YTHDC2: variants seen among roughly 807,000 people sequenced by gnomAD.
YTHDC2 encodes the protein 3'-5' RNA helicase YTHDC2.
In YTHDC2, 45 loss-of-function variants were observed where a neutral mutation model predicts 174.9. The observed-to-expected ratio is 0.26, with a 90% CI of 0.20 to 0.33. The LOEUF (loss-of-function observed/expected upper bound fraction) is 0.33, where lower values mean the gene tolerates loss of function less well. YTHDC2 is among the 10% of genes least tolerant of loss of function. The pLI, the probability that YTHDC2 is intolerant of heterozygous loss-of-function variation, is 1.00. For missense variants in YTHDC2, 1,650 were observed against 1,723.7 expected (o/e 0.96, Z 0.76); for synonymous variants, 657 against 574.5 (o/e 1.14, Z -2.05).
At chr5:113,541,242 A>T in intron 9 of YTHDC2, 126 bp downstream of exon 9, 1 of 1,064,080 alleles carries the variant, frequency 9.4e-7, no homozygotes, top group Admixed American at 2.1e-5. Context: ...CCCAGGCTGG[A>T]GTGGAGTGGC....
Position 113,553,802 on chromosome 5 carries a change from C to T in YTHDC2, c.2000C>T (p.Thr667Ile), listed in dbSNP as rs767444546. 5.0e-6 allele frequency: 8 copies of T among 1,612,588 alleles called. No individual in the cohort carries two copies. In the Admixed American group the frequency reaches 5.0e-5, roughly 10 times the overall value. The change falls in exon 15 of 30, where the codon ACA becomes ATA. Residue 667 changes from threonine to isoleucine, a missense_variant. Coordinates refer to ENST00000161863, the MANE Select transcript of YTHDC2 (RefSeq NM_022828.5). ...TTTATGCTTCATTCAAATATGCAAACATCCGATCAAAAGAAAGTATTAAAA... is the reference window on the plus strand; with the variant it reads ...TTTATGCTTCATTCAAATATGCAAATATCCGATCAAAAGAAAGTATTAAAA... ...QVFMLHSNMQ[T>I]SDQKKVLKNP... is the part of the protein sequence containing the mutation.
At chr5:113,526,557 A>AT (rs1258195475) in intron 3 of YTHDC2, 29 bp from the exon 4 acceptor site, 2 of 1,540,276 alleles carry the variant, frequency 1.3e-6, no homozygotes, top group South Asian at 1.3e-5. Context: ...TTGATCATAC[A>AT]TTTTTTGTTC....
intron 16 of YTHDC2, 61 bp downstream of exon 16, chr5:113,554,083 A>C (rs912144282): frequency 1.5e-6 from 2 of 1,320,162 alleles, no homozygotes; most frequent in African/African-American, 3.0e-5. Flanking sequence ...ACTTCAACAA[A>C]TACTTTTATT....
chr5:113,555,916 C>T (rs1430539920), intron 16 of YTHDC2, 136 bp from the exon 17 acceptor site: 1 of 520,466 alleles, frequency 1.9e-6, no homozygotes, highest in Non-Finnish European at 3.5e-6. Context: ...AAAATCAGTA[C>T]TGCTGTTTTA....
At chr5:113,561,051 G>A (rs760945585) in intron 17 of YTHDC2, 29 bp from the exon 18 acceptor site, 37 of 1,552,528 alleles carry the variant, frequency 2.4e-5, no homozygotes, top group Non-Finnish European at 3.2e-5. Flanking sequence ...TTCGTTGTTT[G>A]AGTCCTAATC....
rs1319720894 is a variant in YTHDC2 at position 113,553,213 on chromosome 5, G to C, written c.1721G>C (p.Ser574Thr). 2 of 1,332,578 alleles carry C rather than the reference G, an allele frequency of 1.5e-6. No homozygotes were observed. Among genetic ancestry groups the C allele is most frequent in the Non-Finnish European group, 2.0e-6 (2 of 996,024 alleles). The allele number at this position is 1,332,578 out of a possible 1,614,324, so 82.5% of individuals were successfully genotyped here. Reference sequence around the variant, plus strand: ...CTGGAATTTGGAAATCTAGATGAAAGTTCTCTGGTTCAAACAAATGGAAGT... The same window carrying C: ...CTGGAATTTGGAAATCTAGATGAAACTTCTCTGGTTCAAACAAATGGAAGT... Reference protein sequence around the residue: ...ATLEFGNLDESSLVQTNGSDL... With the variant: ...ATLEFGNLDETSLVQTNGSDL... The change falls in exon 13 of 30, where the codon AGT (serine) becomes ACT (threonine). Residue 574 changes from serine (S) to threonine (T), a missense_variant. Coordinates refer to ENST00000161863, the MANE Select transcript of YTHDC2 (RefSeq NM_022828.5).
At chr5:113,572,468 A>G (rs1777789774) in intron 23 of YTHDC2, among the ~76,000 whole-genome samples, 1 of 152,252 alleles carries the variant, frequency 6.6e-6, no homozygotes, top group African/African-American at 2.4e-5. Flanking sequence ...AGTTCTGTAG[A>G]TATCTATCAG....
intron 28 of YTHDC2, chr5:113,592,661 C>G (rs1299015059): frequency 1.3e-5 from 2 of 152,496 alleles, no homozygotes; most frequent in African/African-American, 4.8e-5. Context: ...GGTCACACAG[C>G]TAATAATTTA....
At chr5:113,591,930 ATAAAT>A (rs1561717146) in intron 27 of YTHDC2, 61 bp from the exon 28 acceptor site, 1 of 1,224,948 alleles carries the variant, frequency 8.2e-7, no homozygotes, top group African/African-American at 1.6e-5. Context: ...GCCTTCTCAG[ATAAAT>A]TAAATTTAGA....
chr5:113,544,118 G>A (rs1775680041), intron 10 of YTHDC2, among the ~76,000 whole-genome samples: 2 of 152,078 alleles, frequency 1.3e-5, no homozygotes, highest in Non-Finnish European at 2.9e-5. Context: ...CGTTTATTAA[G>A]TGCTGAAAAA....
chr5:113,581,155 A>C (rs1778380004), intron 24 of YTHDC2: 4 of 297,772 alleles, frequency 1.3e-5, no homozygotes, highest in Non-Finnish European at 2.4e-5. Context: ...CTACTTTTCC[A>C]GTATTAATCA....
In YTHDC2 at chr5:113,541,285, G is replaced by A. The variant is rs550181262; in HGVS notation, c.1359+169G>A. On this transcript the variant is annotated intron_variant, in intron 9 of 29. Coordinates refer to ENST00000161863, the MANE Select transcript of YTHDC2 (RefSeq NM_022828.5). ...CGGCTCACTGCAAGCTCCGCGTTCC[G>A]GGTTCACGCCATTCTCCTGCCTCAG... Among the ~76,000 whole-genome samples, 394 of 151,564 alleles carry A rather than the reference G, an allele frequency of 2.6e-3. 1 individual carries two copies. The highest frequency in any genetic ancestry group is 3.6e-3 in the Admixed American group (55 of 15,220).
At chr5:113,561,876 A>C (rs1172541825) in intron 18 of YTHDC2, among the ~76,000 whole-genome samples, 1 of 152,038 alleles carries the variant, frequency 6.6e-6, no homozygotes, top group Non-Finnish European at 1.5e-5. Context: ...GATAATATCC[A>C]AATCTCACTA....
chr5:113,578,181 CT>C (rs1260852602), intron 23 of YTHDC2, among the ~76,000 whole-genome samples: 1 of 150,130 alleles, frequency 6.7e-6, no homozygotes, highest in East Asian at 1.9e-4. Flanking sequence ...GTGTGTGTAT[CT>C]GTGTGTGTGT....
chr5:113,581,915 T>C, intron 25 of YTHDC2: 1 of 376,636 alleles, frequency 2.7e-6, no homozygotes, highest in Non-Finnish European at 4.5e-6. Flanking sequence ...TTTTAAACTA[T>C]TGATATCTGT....
chr5:113,538,801 A>G (rs1313167408), intron 7 of YTHDC2, among the ~76,000 whole-genome samples: 2 of 152,108 alleles, frequency 1.3e-5, no homozygotes, highest in African/African-American at 4.8e-5. Flanking sequence ...GTTTCCTCTT[A>G]CAATTTCTAC....
At chr5:113,552,697 A>T (rs145369727) in intron 12 of YTHDC2, among the ~76,000 whole-genome samples, 1 of 152,068 alleles carries the variant, frequency 6.6e-6, no homozygotes, top group Admixed American at 6.6e-5. Context: ...TTGCTGGGGC[A>T]TATGGTAACT....
chr5:113,550,052 T>C (rs941984141), intron 12 of YTHDC2, among the ~76,000 whole-genome samples: 7 of 151,986 alleles, frequency 4.6e-5, no homozygotes, highest in Non-Finnish European at 1.0e-4. Flanking sequence ...TACTCCTTTA[T>C]TAGGAAACTG....
chr5:113,549,086 T>C (rs1776077876), intron 12 of YTHDC2, 66 bp downstream of exon 12: 1 of 1,360,942 alleles, frequency 7.3e-7, no homozygotes, highest in African/African-American at 1.5e-5. Context: ...CCATATAAAT[T>C]ATGGGCTATT....
Sources: gnomAD v4.1 joint callset for allele counts (sites outside exome capture counted in the v4.1 genomes callset) on GRCh38, gnomAD v4.1.1 for gene constraint, MANE v1.5 for transcripts, NCBI Gene and HGNC (gene_info 2026-07-23, HGNC 2026-07-21) for gene names.